LRP1B: variants seen among roughly 807,000 people sequenced by gnomAD.
LRP1B encodes the protein LDL receptor related protein 1B, also known as low-density lipoprotein receptor-related protein 1B.
LRP1B carries 217 observed loss-of-function variants against 556.6 expected under a neutral mutation model. The observed-to-expected ratio is 0.39, with a 90% CI of 0.35 to 0.44. The LOEUF is 0.44. LRP1B is among the 20% of genes least tolerant of loss of function. The probability of loss-of-function intolerance (pLI) is 1.00; values close to 1 mark genes in which losing one functional copy is unlikely to be tolerated. For missense variants in LRP1B, 5,053 were observed against 5,620.8 expected (o/e 0.90, Z 3.23); for synonymous variants, 2,047 against 1,865.8 (o/e 1.10, Z -2.50).
chr2:141,597,771 A>T (rs961631329), intron 2 of LRP1B, among the ~76,000 whole-genome samples: 13 of 152,074 alleles, frequency 8.5e-5, no homozygotes, highest in African/African-American at 3.1e-4. Flanking sequence ...TTTTCAATAC[A>T]GTGGAGATTC....
rs192761301 is a variant in LRP1B at position 141,775,983 on chromosome 2, C to T, written c.205+34296G>A. Reference sequence around the variant, plus strand: ...TCAGCCTCCCAAGTAGCTGGGACTACAGGTGCCCGTCATCACGCCAGGTTA... The same window carrying T: ...TCAGCCTCCCAAGTAGCTGGGACTATAGGTGCCCGTCATCACGCCAGGTTA... On this transcript the variant is annotated intron_variant, in intron 2 of 90. Coordinates refer to ENST00000389484, the MANE Select transcript of LRP1B (RefSeq NM_018557.3). Among the ~76,000 whole-genome samples, 1,274 of 151,814 alleles carry T rather than the reference C, an allele frequency of 8.4e-3. 9 individuals carry two copies. The highest frequency in any genetic ancestry group is 0.04 in the South Asian group (194 of 4,804).
chr2:141,655,884 G>A (rs558186476), intron 2 of LRP1B, among the ~76,000 whole-genome samples: 2 of 152,034 alleles, frequency 1.3e-5, no homozygotes, highest in South Asian at 2.1e-4. Flanking sequence ...CCACTCTGAG[G>A]ATGAAACTGG....
chr2:141,835,819 C>G (rs1026184664), intron 1 of LRP1B, among the ~76,000 whole-genome samples: 7 of 151,646 alleles, frequency 4.6e-5, no homozygotes, highest in African/African-American at 1.7e-4. Context: ...CACACACACA[C>G]AGACATATAT....
chr2:141,078,790 C>T (rs1206972143), intron 7 of LRP1B, among the ~76,000 whole-genome samples: 1 of 152,036 alleles, frequency 6.6e-6, no homozygotes, highest in African/African-American at 2.4e-5. Context: ...ACAAAGACTG[C>T]AAACAATGCT....
At chr2:140,833,931 T>A (rs1691808093) in intron 31 of LRP1B, among the ~76,000 whole-genome samples, 1 of 152,232 alleles carries the variant, frequency 6.6e-6, no homozygotes, top group Non-Finnish European at 1.5e-5. Context: ...ATGACTTTAC[T>A]ATTTTACTGT....
chr2:140,604,790 T>C (rs59752239), intron 41 of LRP1B, among the ~76,000 whole-genome samples: 2,732 of 151,830 alleles, frequency 0.018, 87 homozygotes, highest in African/African-American at 0.061. Flanking sequence ...TCGGGGGTAA[T>C]TGAATCACAG....
intron 1 of LRP1B, among the ~76,000 whole-genome samples, chr2:141,825,785 G>A (rs115486811): frequency 0.012 from 1,771 of 152,154 alleles, 24 homozygotes; most frequent in Middle Eastern, 0.058. Flanking sequence ...AAAAGAAGAG[G>A]CCTAATGTAA....
intron 1 of LRP1B, among the ~76,000 whole-genome samples, chr2:142,116,501 C>T (rs1021782969): frequency 2.0e-5 from 3 of 152,064 alleles, no homozygotes; most frequent in African/African-American, 7.2e-5. Context: ...CAATTTAATG[C>T]AGTGAACATT....
At chr2:141,181,524 A>G (rs1014206851) in intron 7 of LRP1B, among the ~76,000 whole-genome samples, 1 of 151,842 alleles carries the variant, frequency 6.6e-6, no homozygotes, top group Non-Finnish European at 1.5e-5. Context: ...GAGGTTTAAC[A>G]GACTTTGAAA....
chr2:141,549,544 G>T (rs371364686), intron 2 of LRP1B, among the ~76,000 whole-genome samples: 1 of 152,118 alleles, frequency 6.6e-6, no homozygotes, highest in Non-Finnish European at 1.5e-5. Context: ...CTTAGCAAGA[G>T]AATCTTTTGT....
chr2:141,653,716 C>A (rs1191710), intron 2 of LRP1B, among the ~76,000 whole-genome samples: 1 of 152,206 alleles, frequency 6.6e-6, no homozygotes, highest in Non-Finnish European at 1.5e-5. Context: ...ACTCAGATGG[C>A]GGTGCCTAAG....
At chr2:140,364,525 G>T (rs1255684255) in intron 72 of LRP1B, 136 bp downstream of exon 72, 4 of 980,746 alleles carry the variant, frequency 4.1e-6, no homozygotes, top group Non-Finnish European at 5.9e-6. Context: ...AACAAAAGCT[G>T]TATCTGTGGT....
chr2:140,863,140 C>G (rs1302488937), intron 27 of LRP1B, among the ~76,000 whole-genome samples: 1 of 151,950 alleles, frequency 6.6e-6, no homozygotes, highest in East Asian at 1.9e-4. Flanking sequence ...CTCTCTATCT[C>G]TGTGTGTCTG....
At chr2:140,535,744 A>G (rs1243302151) in intron 46 of LRP1B, among the ~76,000 whole-genome samples, 1 of 152,154 alleles carries the variant, frequency 6.6e-6, no homozygotes, top group African/African-American at 2.4e-5. Flanking sequence ...ACATATTTCC[A>G]GGAAAAAATA....
intron 7 of LRP1B, among the ~76,000 whole-genome samples, chr2:141,090,403 T>C (rs1045351009): frequency 6.6e-6 from 1 of 152,210 alleles, no homozygotes; most frequent in Non-Finnish European, 1.5e-5. Flanking sequence ...GGTATAAAAT[T>C]GAACTTCTTA....
At chr2:141,795,857 A>AATATATATATATATAT (rs1198211801) in intron 2 of LRP1B, among the ~76,000 whole-genome samples, 18 of 51,580 alleles carry the variant, frequency 3.5e-4, no homozygotes, top group Non-Finnish European at 5.1e-4. Flanking sequence ...AACCAGGAGC[A>AATATATATATATATAT]ATATATATAT....
chr2:141,229,559 C>A (rs986988915), intron 5 of LRP1B, 119 bp from the exon 6 acceptor site: 1 of 789,514 alleles, frequency 1.3e-6, no homozygotes, highest in Non-Finnish European at 2.0e-6. Flanking sequence ...CAAAAATTTT[C>A]TTATAAAAAA....
chr2:141,640,114 C>A (rs778778835), intron 2 of LRP1B, among the ~76,000 whole-genome samples: 2 of 152,100 alleles, frequency 1.3e-5, no homozygotes, highest in Admixed American at 6.6e-5. Context: ...AAACAGCAAA[C>A]CAAAGAAAAA....
At chr2:140,906,414 C>T (rs1694255993) in intron 22 of LRP1B, among the ~76,000 whole-genome samples, 1 of 152,048 alleles carries the variant, frequency 6.6e-6, no homozygotes, top group Admixed American at 6.6e-5. Flanking sequence ...TCATTTTCTT[C>T]ATTTTTCTCA....
Sources: gnomAD v4.1 joint callset for allele counts (sites outside exome capture counted in the v4.1 genomes callset) on GRCh38, gnomAD v4.1.1 for gene constraint, MANE v1.5 for transcripts, NCBI Gene and HGNC (gene_info 2026-07-23, HGNC 2026-07-21) for gene names.